SYMPK: variants seen among roughly 807,000 people sequenced by gnomAD.
The protein encoded by SYMPK is symplekin.
Under a neutral mutation model 136.4 loss-of-function variants are expected in SYMPK, and 49 were observed. That is an observed-to-expected ratio of 0.36 (90% CI 0.29 to 0.46). SYMPK has a LOEUF of 0.46. Among genes scored for constraint, SYMPK ranks in the 20% least tolerant of loss-of-function variants. SYMPK has a pLI of 1.00. For synonymous variants in SYMPK, 766 were observed against 713.0 expected, an observed-to-expected ratio of 1.07 and a Z score of -1.19; for missense variants, 1,365 against 1,690.0, an observed-to-expected ratio of 0.81 and a Z score of 3.37.
chr19:45,825,626 C>A (rs1218987768), intron 17 of SYMPK, among the ~76,000 whole-genome samples: 1 of 152,216 alleles, frequency 6.6e-6, no homozygotes, highest in African/African-American at 2.4e-5. Context: ...TCAGAATAAA[C>A]CCCCAGCTCC....
chr19:45,837,224 A>T (rs1202619255), intron 10 of SYMPK, among the ~76,000 whole-genome samples: 1 of 152,224 alleles, frequency 6.6e-6, no homozygotes, highest in Non-Finnish European at 1.5e-5. Flanking sequence ...CATTACAAAC[A>T]TATGGTATTT....
Position 45,816,570 on chromosome 19 carries a change from T to C in SYMPK, c.3266A>G (p.His1089Arg). The change falls in exon 25 of 27, where the codon CAC becomes CGC. Residue 1089 changes from histidine (H) to arginine (R), a missense_variant. By Grantham distance (29) the His-to-Arg change is conservative. Coordinates refer to ENST00000245934, the MANE Select transcript of SYMPK (RefSeq NM_004819.3). ...GATGGTCATGATGGAGTTAGGGATG[T>C]GAGCTTGCTGGGTGGAGAGCAGGAA... ...VRSFTPHQQA[H>R]IPNSIMTILE... 2 of 1,613,312 alleles carry C rather than the reference T, an allele frequency of 1.2e-6. No individual in the cohort carries two copies. The highest frequency in any genetic ancestry group is 1.7e-6 in the Non-Finnish European group (2 of 1,179,684).
chr19:45,838,334 A>AC, intron 10 of SYMPK, 127 bp downstream of exon 10: 3 of 1,180,428 alleles, frequency 2.5e-6, no homozygotes, highest in South Asian at 3.3e-5. Context: ...AGCCAATTAA[A>AC]CCCCTTTTCT....
chr19:45,827,517 T>G lies in SYMPK; in HGVS notation c.2174A>C (p.Lys725Thr). The change falls in exon 16 of 27, where the codon AAG becomes ACG. Residue 725 changes from lysine to threonine, a missense_variant. By Grantham distance (78) the Lys-to-Thr change is moderately conservative (BLOSUM62 -1). Around this residue, in one of 11 missense-constraint regions of SYMPK, gnomAD observed 303 missense variants for 326.6 expected, o/e 0.93. Coordinates refer to ENST00000245934, the MANE Select transcript of SYMPK (RefSeq NM_004819.3). ...HVLLDLSSHE[K>T]DKVRSQALLF... ...AGTGGAGGAGGGGATCACCTTGTCC[T>G]TCTCATGGGAGCTGAGGTCGAGGAG... 2 of 1,613,710 alleles carry G rather than the reference T, an allele frequency of 1.2e-6. No individual in the cohort carries two copies. Among genetic ancestry groups the G allele is most frequent in the Non-Finnish European group, 1.7e-6 (2 of 1,179,644 alleles).
Position 45,816,163 on chromosome 19 carries a change from G to C in SYMPK, c.3375C>G (p.Thr1125=). The change falls in exon 26 of 27, where the codon ACC becomes ACG. Residue 1125 remains threonine (T), a synonymous_variant. Coordinates refer to ENST00000245934, the MANE Select transcript of SYMPK (RefSeq NM_004819.3). ...PLEEDDLEPL[T]LAPAPAPRPP... is the part of the protein sequence containing the mutation. Reference sequence around the variant, plus strand: ...GCCGGGGTGCTGGGGCCGGGGCCAAGGTCAGGGGCTCCAGATCATCCTGGG... The same window carrying C: ...GCCGGGGTGCTGGGGCCGGGGCCAACGTCAGGGGCTCCAGATCATCCTGGG... 1 of 1,542,856 alleles carries C rather than the reference G, an allele frequency of 6.5e-7. No individual in the cohort carries two copies. The highest frequency in any genetic ancestry group is 8.8e-7 in the Non-Finnish European group (1 of 1,141,236).
At chr19:45,857,798 CTTTTT>C (rs545837447) in intron 1 of SYMPK, among the ~76,000 whole-genome samples, 411 of 131,616 alleles carry the variant, frequency 3.1e-3, no homozygotes, top group Non-Finnish European at 4.8e-3. Context: ...GCCGAAAATA[CTTTTT>C]TTTTTTTTTT....
rs34044830 is a variant in SYMPK at position 45,838,563 on chromosome 19, C to T, written c.1140G>A (p.Ser380=). Residue 380 remains serine, a synonymous_variant, in exon 10 of 27, where the codon TCG becomes TCA. Transcript: ENST00000245934. ...DEDKDLEPGP[S]GTSKASAQIS... Reference sequence around the variant, plus strand: ...TCTGCGCTGAGGCCTTCGAGGTCCCCGACGGGCCTGGCTCCAAGTCTTTGT... The same window carrying T: ...TCTGCGCTGAGGCCTTCGAGGTCCCTGACGGGCCTGGCTCCAAGTCTTTGT... The T allele has an allele frequency of 4.7e-3, 7,637 of 1,614,124 alleles. 25 individuals are homozygous for T. Among genetic ancestry groups the T allele is most frequent in the Middle Eastern group, 6.8e-3 (41 of 6,062 alleles).
At chr19:45,817,219 C>G (rs1011569061) in intron 23 of SYMPK, 1 of 503,444 alleles carries the variant, frequency 2.0e-6, no homozygotes, top group East Asian at 3.7e-5. Context: ...CCAGAGCTCC[C>G]CCTGGGCCAG....
At chr19:45,831,683 T>C (rs1971178732) in intron 11 of SYMPK, 95 bp from the exon 12 acceptor site, 1 of 1,054,182 alleles carries the variant, frequency 9.5e-7, no homozygotes. Context: ...CTGAGCCCTG[T>C]ACACACAAAA....
chr19:45,815,752 C>T lies in SYMPK; in HGVS notation c.3688-55G>A, dbSNP rs1213254437. The stretch of plus-strand genomic sequence containing the variant: ...GGTGGAGGGCGCGGTCACCTCCACG[C>T]TCCCCTTCAGGCCCTGCCCCCTGAT... On this transcript the variant is annotated intron_variant, in intron 26 of 26. Transcript: ENST00000245934. 3.1e-6 allele frequency: 5 copies of T among 1,597,522 alleles called. No individual in the cohort carries two copies. In the Admixed American group the frequency reaches 5.2e-5, roughly 17 times the overall value.
At chr19:45,848,953 G>A (rs1971630407) in intron 5 of SYMPK, 77 bp from the exon 6 acceptor site, 2 of 1,562,800 alleles carry the variant, frequency 1.3e-6, no homozygotes, top group Admixed American at 3.4e-5. Context: ...GTCCAGGAGG[G>A]AAGGGAAATC....
chr19:45,851,788 A>T (rs2146341031), intron 5 of SYMPK, among the ~76,000 whole-genome samples: 1 of 152,056 alleles, frequency 6.6e-6, no homozygotes, highest in Non-Finnish European at 1.5e-5. Flanking sequence ...GCAGGAGAAT[A>T]GCTTGAACCC....
intron 1 of SYMPK, among the ~76,000 whole-genome samples, chr19:45,862,812 G>GA (rs1217187208): frequency 1.3e-5 from 2 of 152,346 alleles, no homozygotes; most frequent in Admixed American, 1.3e-4. Flanking sequence ...AGAGGTGGGG[G>GA]AAAAAGCAAA....
In SYMPK at chr19:45,821,093, A is replaced by T; in HGVS notation, c.2893+291T>A. The T allele has an allele frequency of 1.5e-6, 1 of 652,842 alleles. No homozygotes were observed. The highest frequency in any genetic ancestry group is 2.8e-6 in the Non-Finnish European group (1 of 363,282). 40.4% of individuals were successfully genotyped at this position (652,842 alleles called of 1,614,324 possible). A position where few individuals can be genotyped will look rare whatever the true frequency, so the allele number is the denominator to read the frequency against. ...CTCGGGGCTAGGGGTGGGGCTACCC[A>T]ACTGCTTTAGGCCCACTCTGTGCCA... On this transcript the variant is annotated intron_variant, in intron 22 of 26. Coordinates refer to ENST00000245934, the MANE Select transcript of SYMPK (RefSeq NM_004819.3). This position sits in a 1 kb window ranked among gnomAD's most constrained non-coding sequence, Gnocchi z 4.4.
chr19:45,829,331 A>G lies in SYMPK; in HGVS notation c.1750-126T>C. On this transcript the variant is annotated intron_variant, in intron 13 of 26. Coordinates refer to ENST00000245934, the MANE Select transcript of SYMPK (RefSeq NM_004819.3). The stretch of plus-strand genomic sequence containing the variant: ...GAGCAGACAAGGAGTGAAGCGAGGA[A>G]GGCCAGCCGAGGACCCTTATGCCTA... 4.0e-6 allele frequency: 3 copies of G among 745,454 alleles called. No individual in the cohort carries two copies. The South Asian group carries it at 5.2e-5, about 13-fold the overall frequency. The allele number at this position is 745,454 out of a possible 1,614,324, so 46.2% of individuals were successfully genotyped here.
Position 45,842,416 on chromosome 19 carries a change from A to G in SYMPK, c.921T>C (p.Ser307=). 1 of 1,614,204 alleles carries G rather than the reference A, an allele frequency of 6.2e-7. No individual in the cohort carries two copies. The highest frequency in any genetic ancestry group is 8.5e-7 in the Non-Finnish European group (1 of 1,180,046). ...CCAAGGAAGCCGGGTGCTTCAGCAC[A>G]CTCAACAGGTGCAGCTTCAGATTCT... ...VRKNLKLHLL[S]VLKHPASLEF... Residue 307 remains serine, a synonymous_variant, in exon 9 of 27, where the codon AGT becomes AGC. Coordinates refer to ENST00000245934, the MANE Select transcript of SYMPK (RefSeq NM_004819.3).
intron 1 of SYMPK, 141 bp from the exon 2 acceptor site, chr19:45,854,648 T>A: frequency 1.5e-6 from 1 of 663,510 alleles, no homozygotes. Flanking sequence ...CTCAAGTCCC[T>A]CTCCCCTCCA....
chr19:45,838,407 C>G (rs978652510), intron 10 of SYMPK, 54 bp downstream of exon 10: 2 of 1,567,680 alleles, frequency 1.3e-6, no homozygotes, highest in Non-Finnish European at 1.7e-6. Flanking sequence ...GGTGAAAGAC[C>G]GAGGAGATCC....
chr19:45,842,746 C>T, intron 8 of SYMPK: 1 of 472,166 alleles, frequency 2.1e-6, no homozygotes, highest in Non-Finnish European at 3.8e-6. Flanking sequence ...TCGTCCTCCT[C>T]CATCTCTGGT....
Sources: allele counts gnomAD v4.1 joint callset (sites outside exome capture counted in the v4.1 genomes callset), GRCh38; gene constraint gnomAD v4.1.1; regional missense constraint gnomAD v4.1.1; non-coding constraint Gnocchi (gnomAD v3.1); transcripts MANE v1.5; gene names NCBI Gene and HGNC (gene_info 2026-07-23, HGNC 2026-07-21).